Variants in HECW2 observed in about 807,000 individuals in gnomAD.
HECW2 encodes HECT, C2 and WW domain containing E3 ubiquitin protein ligase 2, also known as E3 ubiquitin-protein ligase HECW2.
In HECW2, 61 loss-of-function variants were observed where a neutral mutation model predicts 175.2. That is an observed-to-expected ratio of 0.35 (90% CI 0.28 to 0.43). HECW2 has a LOEUF of 0.43. Among genes scored for constraint, HECW2 ranks in the 20% least tolerant of loss-of-function variants. The pLI is 1.00. For synonymous variants in HECW2, 671 were observed against 731.0 expected (o/e 0.92, Z 1.32); for missense variants, 1,524 against 2,000.5 (o/e 0.76, Z 4.54).
intron 1 of HECW2, among the ~76,000 whole-genome samples, chr2:196,539,652 A>C (rs1689144949): frequency 6.6e-6 from 1 of 152,190 alleles, no homozygotes; most frequent in Non-Finnish European, 1.5e-5. Flanking sequence ...AAAAGAAAAA[A>C]AAGAAAACAA....
At chr2:196,527,580 T>C (rs530782308) in intron 1 of HECW2, among the ~76,000 whole-genome samples, 2 of 152,372 alleles carry the variant, frequency 1.3e-5, no homozygotes, top group South Asian at 4.1e-4. Context: ...GAGGCAACGT[T>C]AAGGGCAAAC....
chr2:196,276,739 C>A (rs1054937371), intron 15 of HECW2, among the ~76,000 whole-genome samples: 4 of 152,130 alleles, frequency 2.6e-5, no homozygotes, highest in African/African-American at 4.8e-5. Flanking sequence ...TTTGCACATA[C>A]CTCATCCTGT....
At position 196,441,404 on chromosome 2, in the gene HECW2, A is replaced by T. The variant is rs901861983; in HGVS notation, c.-35-7946T>A. 6.9e-5 allele frequency among the ~76,000 whole-genome samples: 10 copies of T among 145,896 alleles called. No individual in the cohort carries two copies. The East Asian group carries it at 1.8e-3, about 26-fold the overall frequency. ...CAAACACACACACACACACTTGTTC[A>T]ACTATACTATGCTTCAAACTCCAAG... On this transcript the variant is annotated intron_variant, in intron 1 of 28. Transcript: ENST00000644978.
chr2:196,345,404 T>C (rs866981482), intron 2 of HECW2, among the ~76,000 whole-genome samples: 58 of 152,222 alleles, frequency 3.8e-4, no homozygotes, highest in African/African-American at 1.3e-3. Flanking sequence ...AATGGTGACA[T>C]GTGGCCTGGT....
intron 1 of HECW2, among the ~76,000 whole-genome samples, chr2:196,464,824 G>A (rs901444830): frequency 6.6e-5 from 10 of 152,096 alleles, no homozygotes; most frequent in South Asian, 2.1e-4. Flanking sequence ...GGCGGATCAC[G>A]AGGTCAGGAG....
At chr2:196,222,133 T>C (rs559660733) in intron 24 of HECW2, 78 bp downstream of exon 24, 3 of 1,317,042 alleles carry the variant, frequency 2.3e-6, no homozygotes, top group East Asian at 2.4e-5. Flanking sequence ...CATCTGATCT[T>C]AGCCATGGAG....
At chr2:196,491,890 A>G (rs191009076) in intron 1 of HECW2, among the ~76,000 whole-genome samples, 4 of 152,320 alleles carry the variant, frequency 2.6e-5, no homozygotes, top group East Asian at 1.9e-4. Flanking sequence ...TGAGATAAAG[A>G]TAACAATTAC....
At chr2:196,414,478 G>A (rs1695199684) in intron 2 of HECW2, among the ~76,000 whole-genome samples, 4 of 152,174 alleles carry the variant, frequency 2.6e-5, no homozygotes, top group South Asian at 2.1e-4. Flanking sequence ...AGCTGGTATC[G>A]CCATGATCTG....
chr2:196,349,727 G>T (rs1693102526), intron 2 of HECW2, among the ~76,000 whole-genome samples: 1 of 152,040 alleles, frequency 6.6e-6, no homozygotes, highest in Admixed American at 6.5e-5. Flanking sequence ...TTCTTCAAGG[G>T]AGAAACAAAG....
At chr2:196,265,291 C>A (rs1689467602) in intron 17 of HECW2, among the ~76,000 whole-genome samples, 1 of 152,156 alleles carries the variant, frequency 6.6e-6, no homozygotes, top group Admixed American at 6.5e-5. Flanking sequence ...TCAAGACTGG[C>A]CTGGCCAACA....
chr2:196,323,413 G>A (rs753187906), intron 6 of HECW2, among the ~76,000 whole-genome samples: 1 of 152,136 alleles, frequency 6.6e-6, no homozygotes, highest in African/African-American at 2.4e-5. Flanking sequence ...GTAAATGATG[G>A]TGCCAGGAAT....
intron 2 of HECW2, among the ~76,000 whole-genome samples, chr2:196,422,313 G>A (rs1000096882): frequency 1.3e-5 from 2 of 152,088 alleles, no homozygotes; most frequent in African/African-American, 4.8e-5. Context: ...CAGTCCCCTT[G>A]CAGTTAGACA....
chr2:196,317,750 A>G (rs1411815794), intron 9 of HECW2, among the ~76,000 whole-genome samples: 1 of 152,188 alleles, frequency 6.6e-6, no homozygotes, highest in Non-Finnish European at 1.5e-5. Flanking sequence ...AGAAAAATAC[A>G]TTACAGAAAA....
At chr2:196,413,855 A>T (rs1461104077) in intron 2 of HECW2, among the ~76,000 whole-genome samples, 1 of 152,116 alleles carries the variant, frequency 6.6e-6, no homozygotes. Context: ...ACCAGCCTGC[A>T]CTTCTCTTAG....
chr2:196,288,668 A>G (rs1164863739), intron 14 of HECW2: 1 of 152,220 alleles, frequency 6.6e-6, no homozygotes, highest in Non-Finnish European at 1.5e-5. Flanking sequence ...TGCCAAACTG[A>G]TGAGATTTTT....
chr2:196,405,141 G>C (rs1047324174), intron 2 of HECW2, among the ~76,000 whole-genome samples: 1 of 151,782 alleles, frequency 6.6e-6, no homozygotes, highest in Non-Finnish European at 1.5e-5. Flanking sequence ...CCTCCTGTTG[G>C]TAATATTTCT....
intron 1 of HECW2, among the ~76,000 whole-genome samples, chr2:196,452,349 G>C (rs10197069): frequency 1.3e-4 from 20 of 152,016 alleles, no homozygotes; most frequent in Admixed American, 1.3e-3. Context: ...AATTTCATCT[G>C]TTTTGAATTT....
chr2:196,500,439 T>C (rs1687540696), intron 1 of HECW2, among the ~76,000 whole-genome samples: 2 of 152,144 alleles, frequency 1.3e-5, no homozygotes, highest in South Asian at 2.1e-4. Context: ...GTTCAAATAA[T>C]CTGCATAGAA....
intron 28 of HECW2, among the ~76,000 whole-genome samples, chr2:196,204,921 T>C (rs183138691): frequency 6.6e-6 from 1 of 152,304 alleles, no homozygotes; most frequent in African/African-American, 2.4e-5. Flanking sequence ...TGTAGTATCT[T>C]TGCAGGTACT....
Sources: allele counts gnomAD v4.1 joint callset (sites outside exome capture counted in the v4.1 genomes callset), GRCh38; gene constraint gnomAD v4.1.1; transcripts MANE v1.5; gene names NCBI Gene and HGNC (gene_info 2026-07-23, HGNC 2026-07-21).